Variants in MAMLD1 observed in about 807,000 individuals in gnomAD.
The protein encoded by MAMLD1 is mastermind like domain containing 1, also known as mastermind-like domain-containing protein 1.
A neutral mutation model predicts 45.0 loss-of-function variants in MAMLD1; 14 were observed. The observed-to-expected ratio is 0.31, with a 90% CI of 0.21 to 0.49. The LOEUF (loss-of-function observed/expected upper bound fraction) is 0.49. Among genes scored for constraint, MAMLD1 ranks in the 20% least tolerant of loss-of-function variants. The probability of loss-of-function intolerance (pLI) is 0.99; values close to 1 mark genes in which losing one functional copy is unlikely to be tolerated. For missense variants in MAMLD1, 543 were observed against 603.6 expected (o/e 0.90, Z 1.05); for synonymous variants, 254 against 247.8 (o/e 1.02, Z -0.24).
At chrX:150,362,458 T>G (rs1174996200), upstream of MAMLD1, among the ~76,000 whole-genome samples, 1 of 108,017 alleles carries the variant, frequency 9.3e-6, no homozygotes, top group South Asian at 4.3e-4. Flanking sequence ...TCCTCTCATC[T>G]CCTCTCCTCT....
rs1569564431 is a variant in MAMLD1, at chrX:150,382,894, TTTTTTTATTTTTTA to T, written c.-64+19371_-64+19384del. On this transcript the variant is annotated intron_variant, in intron 1 of 7. Transcript: ENST00000370401. Reference sequence around the variant, plus strand: ...TGTCCCATTTTATTTTATTTTTTTTTTTTTTTATTTTTTATTTTTTTTTTTTTTGAGACGGAGTC... The same window carrying T: ...TGTCCCATTTTATTTTATTTTTTTTTTTTTTTTTTTTTTTGAGACGGAGTC... Among the ~76,000 whole-genome samples, 2 of 19,699 alleles carry T rather than the reference TTTTTTTATTTTTTA, an allele frequency of 1.0e-4. 1 individual carries two copies. The highest frequency in any genetic ancestry group is 7.4e-4 in the Admixed American group (2 of 2,710). 17.1% of individuals were successfully genotyped at this position (19,699 alleles called of 115,157 possible).
intron 5 of MAMLD1, among the ~76,000 whole-genome samples, chrX:150,494,536 G>A (rs1557408138): frequency 8.9e-6 from 1 of 112,134 alleles, no homozygotes; most frequent in African/African-American, 3.2e-5. Context: ...TTTCTACATA[G>A]CTTCATCACT....
rs912797077 is a variant in MAMLD1, at chrX:150,440,458, A to G, written c.-63-4996A>G. Among the ~76,000 whole-genome samples the G allele has an allele frequency of 9.0e-5, 10 of 110,707 alleles. No homozygotes were observed. The Admixed American group carries it at 9.7e-4, about 11-fold the overall frequency. On this transcript the variant is annotated intron_variant, in intron 1 of 7. Coordinates refer to ENST00000370401, the MANE Select transcript of MAMLD1 (RefSeq NM_005491.5). ...GCTAATTCTTCTTTAAACAACTAAT[A>G]TAATTCTTTAGTGAGGTCATCTGGG...
chrX:150,370,365 G>A (rs782722344), intron 1 of MAMLD1, among the ~76,000 whole-genome samples: 2 of 111,831 alleles, frequency 1.8e-5, no homozygotes, highest in South Asian at 3.8e-4. Flanking sequence ...TCATAAATCC[G>A]AATGAACCTG....
At chrX:150,396,090 C>T (rs1025759825) in intron 1 of MAMLD1, among the ~76,000 whole-genome samples, 10 of 107,437 alleles carry the variant, frequency 9.3e-5, no homozygotes, top group Non-Finnish European at 1.9e-4. Flanking sequence ...TCAAGCAATC[C>T]TCCCACCTCA....
intron 1 of MAMLD1, among the ~76,000 whole-genome samples, chrX:150,391,554 T>C (rs1451892945): frequency 8.9e-6 from 1 of 112,007 alleles, no homozygotes; most frequent in African/African-American, 3.2e-5. Flanking sequence ...ATCCATTTGT[T>C]TCTTTTTTAT....
At position 150,368,068 on chromosome X, in the gene MAMLD1, T is replaced by C. The variant is rs782390713; in HGVS notation, c.-64+4538T>C. Among the ~76,000 whole-genome samples the C allele has an allele frequency of 6.8e-4, 75 of 110,895 alleles. 2 individuals are homozygous for C. The highest frequency in any genetic ancestry group is 2.4e-3 in the African/African-American group (72 of 30,504). On this transcript the variant is annotated intron_variant, in intron 1 of 7. Coordinates refer to ENST00000370401, the MANE Select transcript of MAMLD1 (RefSeq NM_005491.5). ...AGCATGATTTATAATCCTTTGGGTATATACCCAGTAATGGGATGGCTGGGT... is the reference window on the plus strand; with the variant it reads ...AGCATGATTTATAATCCTTTGGGTACATACCCAGTAATGGGATGGCTGGGT...
At chrX:150,447,868 T>TG (rs2124604903) in intron 2 of MAMLD1, among the ~76,000 whole-genome samples, 1 of 112,136 alleles carries the variant, frequency 8.9e-6, no homozygotes, top group East Asian at 2.8e-4. Flanking sequence ...AGCACGTTTC[T>TG]TGCACCACTC....
chrX:150,507,662 C>T (rs1172487617), intron 6 of MAMLD1, among the ~76,000 whole-genome samples: 5 of 112,298 alleles, frequency 4.5e-5, no homozygotes, highest in African/African-American at 1.6e-4. Flanking sequence ...GATAGGCTGG[C>T]CAGCTTTTCC....
At chrX:150,396,513 C>G (rs2033426111) in intron 1 of MAMLD1, among the ~76,000 whole-genome samples, 1 of 111,104 alleles carries the variant, frequency 9.0e-6, no homozygotes. Flanking sequence ...TTCTTGATCT[C>G]TAGTTTAATT....
rs1349148367 is a variant in MAMLD1 at position 150,419,491 on chromosome X, C to G, written c.-63-25963C>G. 4.7e-5 allele frequency among the ~76,000 whole-genome samples: 5 copies of G among 107,404 alleles called. No individual in the cohort carries two copies. The East Asian group carries it at 1.4e-3, about 31-fold the overall frequency. The allele number at this position is 107,404 out of a possible 115,157, so 93.3% of individuals were successfully genotyped here. ...TTTGATCCTGTCATTATGATGTTAG[C>G]TGGTTATTTTGCTTGTTAGTTGATG... is the stretch of plus-strand genomic sequence containing the variant. On this transcript the variant is annotated intron_variant, in intron 1 of 7. Coordinates refer to ENST00000370401, the MANE Select transcript of MAMLD1 (RefSeq NM_005491.5).
At chrX:150,418,363 A>G (rs2034342630) in intron 1 of MAMLD1, among the ~76,000 whole-genome samples, 1 of 109,505 alleles carries the variant, frequency 9.1e-6, no homozygotes, top group South Asian at 3.9e-4. Context: ...TGGTCTATCA[A>G]TTTTGTTGAT....
At chrX:150,375,960 C>G (rs2032296856) in intron 1 of MAMLD1, among the ~76,000 whole-genome samples, 1 of 111,850 alleles carries the variant, frequency 8.9e-6, no homozygotes, top group African/African-American at 3.3e-5. Context: ...CTTTCTGAGT[C>G]TGGGAGGAGT....
At chrX:150,373,157 G>T (rs1383612740) in intron 1 of MAMLD1, among the ~76,000 whole-genome samples, 1 of 111,628 alleles carries the variant, frequency 9.0e-6, no homozygotes, top group Non-Finnish European at 1.9e-5. Flanking sequence ...CCCTCCTCCT[G>T]CCTGCTCTTC....
At chrX:150,445,315 A>C in intron 1 of MAMLD1, 139 bp from the exon 2 acceptor site, 1 of 430,608 alleles carries the variant, frequency 2.3e-6, no homozygotes, top group Non-Finnish European at 4.1e-6. Context: ...GTGCTCAATG[A>C]GGGTGGTGGG....
chrX:150,461,388 G>T (rs2036033969), intron 2 of MAMLD1, among the ~76,000 whole-genome samples: 1 of 112,808 alleles, frequency 8.9e-6, no homozygotes, highest in Non-Finnish European at 1.9e-5. Context: ...GCATTTGGGG[G>T]TTACTGCTTG....
At chrX:150,366,664 T>C (rs988360143) in intron 1 of MAMLD1, among the ~76,000 whole-genome samples, 1 of 111,617 alleles carries the variant, frequency 9.0e-6, no homozygotes, top group East Asian at 2.8e-4. Flanking sequence ...TTAAATAGGA[T>C]ATTCTCCAGA....
At chrX:150,409,558 A>T (rs907267723) in intron 1 of MAMLD1, among the ~76,000 whole-genome samples, 5 of 111,608 alleles carry the variant, frequency 4.5e-5, no homozygotes, top group Non-Finnish European at 9.4e-5. Context: ...CATTAATATT[A>T]TGATTACCTA....
chrX:150,363,771 T>C (rs996764339), intron 1 of MAMLD1, among the ~76,000 whole-genome samples: 8 of 112,046 alleles, frequency 7.1e-5, no homozygotes, highest in African/African-American at 2.3e-4. Context: ...GGCCTTTGGC[T>C]CGGCGCCCGT....
Sources: gnomAD v4.1 joint callset for allele counts (sites outside exome capture counted in the v4.1 genomes callset) on GRCh38, gnomAD v4.1.1 for gene constraint, MANE v1.5 for transcripts, NCBI Gene and HGNC (gene_info 2026-07-23, HGNC 2026-07-21) for gene names.